The following PDE11A variants were observed in gnomAD, a reference collection of about 807,000 sequenced individuals.
PDE11A encodes the protein dual 3',5'-cyclic-AMP and -GMP phosphodiesterase 11A.
Under a neutral mutation model 100.5 loss-of-function variants are expected in PDE11A, and 100 were observed. That is an observed-to-expected ratio of 1.00 (90% CI 0.85 to 1.18). PDE11A has a LOEUF of 1.18. PDE11A is among the 50% of genes most tolerant of loss of function. PDE11A has a pLI of 0.00. For synonymous variants in PDE11A, 381 were observed against 420.8 expected (o/e 0.91, Z 1.16); for missense variants, 1,141 against 1,152.6 (o/e 0.99, Z 0.15).
intron 10 of PDE11A, among the ~76,000 whole-genome samples, chr2:177,742,602 C>G (rs1310538720): frequency 6.6e-6 from 1 of 152,172 alleles, no homozygotes; most frequent in Non-Finnish European, 1.5e-5. Context: ...ATCTATGCAT[C>G]CCACAAGACA....
intron 10 of PDE11A, among the ~76,000 whole-genome samples, chr2:177,738,893 G>T (rs996091354): frequency 6.6e-6 from 1 of 152,178 alleles, no homozygotes; most frequent in Non-Finnish European, 1.5e-5. Context: ...GATGGACCAG[G>T]GTTCGTAAAC....
chr2:177,781,476 G>A (rs1267894644), intron 9 of PDE11A, among the ~76,000 whole-genome samples: 1 of 150,082 alleles, frequency 6.7e-6, no homozygotes, highest in African/African-American at 2.5e-5. Context: ...TGCCCATCTT[G>A]GCTGAATTCT....
chr2:178,102,760 T>G (rs2087575219), intron 2 of PDE11A, among the ~76,000 whole-genome samples: 1 of 152,154 alleles, frequency 6.6e-6, no homozygotes, highest in Non-Finnish European at 1.5e-5. Flanking sequence ...AGTAGTCCTT[T>G]ATTATGAGTC....
chr2:178,020,629 T>G (rs2086395746), intron 1 of PDE11A, among the ~76,000 whole-genome samples: 1 of 151,960 alleles, frequency 6.6e-6, no homozygotes, highest in African/African-American at 2.4e-5. Context: ...CCATCTCTAC[T>G]AAAAATACAA....
At chr2:177,740,884 T>C (rs752059751) in intron 10 of PDE11A, among the ~76,000 whole-genome samples, 1 of 152,236 alleles carries the variant, frequency 6.6e-6, no homozygotes, top group African/African-American at 2.4e-5. Context: ...AATTAATAAA[T>C]GTGGGTTGGT....
intron 13 of PDE11A, 55 bp from the exon 14 acceptor site, chr2:177,701,266 A>G (rs1310921294): frequency 2.3e-6 from 2 of 861,886 alleles, no homozygotes; most frequent in Non-Finnish European, 4.0e-6. Context: ...CCCCCACACC[A>G]GCTTTTTGGA....
intron 19 of PDE11A, among the ~76,000 whole-genome samples, chr2:177,659,926 T>A (rs892130985): frequency 3.9e-5 from 6 of 152,334 alleles, no homozygotes; most frequent in African/African-American, 1.4e-4. Flanking sequence ...AACCAGGGCT[T>A]GAGTCTTCTC....
chr2:177,866,827 T>C, intron 5 of PDE11A, among the ~76,000 whole-genome samples: 1 of 152,246 alleles, frequency 6.6e-6, no homozygotes, highest in Non-Finnish European at 1.5e-5. Context: ...CATACAATCA[T>C]GGTACTTAAT....
At chr2:177,630,589 T>G (rs1218128794) in intron 19 of PDE11A, among the ~76,000 whole-genome samples, 1 of 152,226 alleles carries the variant, frequency 6.6e-6, no homozygotes. Context: ...CAGAGGAGCA[T>G]GGAATTTACT....
At chr2:177,918,123 G>A (rs960454018) in intron 2 of PDE11A, among the ~76,000 whole-genome samples, 3 of 152,208 alleles carry the variant, frequency 2.0e-5, no homozygotes, top group Admixed American at 1.3e-4. Flanking sequence ...AAAACTTTGT[G>A]AAGGGCCAAT....
chr2:177,993,991 A>C (rs1426344142), intron 2 of PDE11A, among the ~76,000 whole-genome samples: 1 of 147,520 alleles, frequency 6.8e-6, no homozygotes, highest in Non-Finnish European at 1.5e-5. Context: ...GCTGAAGTGC[A>C]ATGGAGCAAT....
chr2:177,972,837 G>A (rs2105798425), intron 2 of PDE11A, among the ~76,000 whole-genome samples: 1 of 152,254 alleles, frequency 6.6e-6, no homozygotes, highest in East Asian at 1.9e-4. Context: ...CAAATAAATG[G>A]GACTAGGGTA....
At chr2:177,797,505 T>C (rs868672151) in intron 9 of PDE11A, among the ~76,000 whole-genome samples, 4 of 152,204 alleles carry the variant, frequency 2.6e-5, no homozygotes, top group Middle Eastern at 3.4e-3. Flanking sequence ...TTAATAAATA[T>C]AGCATTTCAA....
At chr2:177,749,634 T>G (rs979690315) in intron 10 of PDE11A, among the ~76,000 whole-genome samples, 5 of 152,116 alleles carry the variant, frequency 3.3e-5, no homozygotes, top group African/African-American at 1.2e-4. Context: ...CCCAGACAAC[T>G]AAGAGTTGTT....
At chr2:178,045,118 T>C (rs1234377962) in intron 1 of PDE11A, among the ~76,000 whole-genome samples, 2 of 152,206 alleles carry the variant, frequency 1.3e-5, no homozygotes, top group African/African-American at 2.4e-5. Context: ...ATAAGTTGCT[T>C]GCTTGTATAC....
chr2:177,951,631 T>A (rs1436295605), intron 2 of PDE11A, among the ~76,000 whole-genome samples: 1 of 152,152 alleles, frequency 6.6e-6, no homozygotes, highest in Non-Finnish European at 1.5e-5. Flanking sequence ...GAAGGTTTTC[T>A]GAGACTCAAT....
chr2:177,699,244 A>G lies in PDE11A; in HGVS notation c.2245-1812T>C, dbSNP rs562959461. ...AGGCTATACATCCATACATCATATT[A>G]CTGTCTGTAACACTGTGAGCAACTG... On this transcript the variant is annotated intron_variant, in intron 14 of 19. Transcript: ENST00000286063. 1.3e-5 allele frequency among the ~76,000 whole-genome samples: 2 copies of G among 152,288 alleles called. 1 individual carries two copies. The highest frequency in any genetic ancestry group is 4.1e-4 in the South Asian group (2 of 4,828).
At chr2:177,785,240 C>T (rs62183050) in intron 9 of PDE11A, among the ~76,000 whole-genome samples, 22,600 of 152,102 alleles carry the variant, frequency 0.15, 1,990 homozygotes, top group East Asian at 0.32. Flanking sequence ...TTACAGCACT[C>T]CACCTGATTT....
chr2:177,818,119 T>C (rs908281641), intron 7 of PDE11A, among the ~76,000 whole-genome samples, 194 bp from the exon 8 acceptor site: 8 of 152,036 alleles, frequency 5.3e-5, no homozygotes, highest in African/African-American at 1.9e-4. Context: ...TCAAGGCTGA[T>C]TTATTTAGAC....
Sources: gnomAD v4.1 joint callset for allele counts (sites outside exome capture counted in the v4.1 genomes callset) on GRCh38, gnomAD v4.1.1 for gene constraint, MANE v1.5 for transcripts, NCBI Gene and HGNC (gene_info 2026-07-23, HGNC 2026-07-21) for gene names.